The following PHACTR3 variants were observed in gnomAD, a reference collection of about 807,000 sequenced individuals.
PHACTR3 encodes protein phosphatase 1, regulatory subunit 123.
A neutral mutation model predicts 66.8 loss-of-function variants in PHACTR3; 16 were observed. The observed-to-expected ratio is 0.24, with a 90% confidence interval of 0.16 to 0.36. PHACTR3 has a LOEUF of 0.36. PHACTR3 is among the 10% of genes least tolerant of loss of function. PHACTR3 has a pLI of 1.00. For synonymous variants in PHACTR3, 323 were observed against 292.1 expected (o/e 1.11, Z -1.08); for missense variants, 647 against 719.9 (o/e 0.90, Z 1.16).
chr20:59,580,961 A>G (rs938777715), intron 1 of PHACTR3, among the ~76,000 whole-genome samples: 4 of 152,236 alleles, frequency 2.6e-5, no homozygotes, highest in Non-Finnish European at 4.4e-5. Context: ...AGGGTGGGTC[A>G]TATAGCTGGC....
intron 1 of PHACTR3, among the ~76,000 whole-genome samples, chr20:59,626,179 T>C (rs2034439098): frequency 6.6e-6 from 1 of 152,232 alleles, no homozygotes; most frequent in African/African-American, 2.4e-5. Flanking sequence ...TGGACACCTG[T>C]TTTAAGCCTG....
intron 1 of PHACTR3, among the ~76,000 whole-genome samples, chr20:59,728,438 GA>G (rs200160634): frequency 4.2e-4 from 64 of 152,110 alleles, no homozygotes; most frequent in African/African-American, 1.3e-3. Context: ...GTATTAGGGG[GA>G]AAAAAACCTG....
At chr20:59,720,425 G>T (rs575504817) in intron 1 of PHACTR3, among the ~76,000 whole-genome samples, 55 of 152,276 alleles carry the variant, frequency 3.6e-4, no homozygotes, top group South Asian at 3.3e-3. Flanking sequence ...TTGCATACTG[G>T]GGGGGCACTT....
At chr20:59,785,553 C>T (rs1319721468) in intron 7 of PHACTR3, among the ~76,000 whole-genome samples, 5 of 152,148 alleles carry the variant, frequency 3.3e-5, no homozygotes, top group African/African-American at 1.2e-4. Flanking sequence ...CTGTGGGCCC[C>T]TGGCTGCAAG....
chr20:59,821,845 C>G (rs753424059), intron 8 of PHACTR3, among the ~76,000 whole-genome samples: 1 of 147,968 alleles, frequency 6.8e-6, no homozygotes, highest in African/African-American at 2.4e-5. Context: ...CCTGACCCTC[C>G]CACACTGGGC....
intron 1 of PHACTR3, among the ~76,000 whole-genome samples, chr20:59,632,835 C>A (rs1277830190): frequency 1.3e-5 from 2 of 152,214 alleles, no homozygotes; most frequent in African/African-American, 4.8e-5. Context: ...TAAGTGCATG[C>A]CCAGTCCCAG....
intron 1 of PHACTR3, among the ~76,000 whole-genome samples, chr20:59,582,832 A>G (rs546191563): frequency 1.2e-4 from 19 of 152,280 alleles, no homozygotes; most frequent in African/African-American, 3.4e-4. Flanking sequence ...CGCTGGCTGC[A>G]AATATTCGTG....
At chr20:59,843,927 C>T (rs2059108050) in intron 11 of PHACTR3, 1 of 151,740 alleles carries the variant, frequency 6.6e-6, no homozygotes, top group South Asian at 2.1e-4. Context: ...ACTATTCATC[C>T]AAAAAGGGAC....
intron 1 of PHACTR3, among the ~76,000 whole-genome samples, chr20:59,644,990 C>A (rs117230941): frequency 6.6e-6 from 1 of 152,000 alleles, no homozygotes; most frequent in East Asian, 1.9e-4. Flanking sequence ...CCTGACAGCA[C>A]GTTTTTCAGC....
intron 1 of PHACTR3, among the ~76,000 whole-genome samples, chr20:59,636,430 G>A (rs548205242): frequency 6.6e-6 from 1 of 152,318 alleles, no homozygotes; most frequent in East Asian, 1.9e-4. Context: ...ACTCTCTCAA[G>A]TCCTGGTGGA....
intron 1 of PHACTR3, among the ~76,000 whole-genome samples, chr20:59,641,075 T>C (rs1411277965): frequency 2.0e-5 from 3 of 152,136 alleles, no homozygotes; most frequent in Non-Finnish European, 4.4e-5. Flanking sequence ...GTCTGGGTTC[T>C]CCAGAGGAAC....
intron 1 of PHACTR3, among the ~76,000 whole-genome samples, chr20:59,584,004 G>A (rs1214651137): frequency 6.6e-6 from 1 of 152,262 alleles, no homozygotes; most frequent in African/African-American, 2.4e-5. Context: ...GGCCAGACCG[G>A]TGGGCTCGCT....
chr20:59,600,148 G>A (rs991729966), upstream of PHACTR3, among the ~76,000 whole-genome samples: 12 of 152,072 alleles, frequency 7.9e-5, no homozygotes, highest in African/African-American at 2.7e-4. Context: ...CCCTCTGCCC[G>A]GGGCGCCCTT....
intron 1 of PHACTR3, among the ~76,000 whole-genome samples, chr20:59,643,714 G>A (rs2146430771): frequency 6.6e-6 from 1 of 152,302 alleles, no homozygotes; most frequent in Admixed American, 6.5e-5. Flanking sequence ...AAGCTGAGAG[G>A]GAGTGAGGCA....
At chr20:59,727,521 G>A (rs1440645992) in intron 1 of PHACTR3, among the ~76,000 whole-genome samples, 1 of 152,098 alleles carries the variant, frequency 6.6e-6, no homozygotes, top group Non-Finnish European at 1.5e-5. Flanking sequence ...GTCTCCTGGA[G>A]GAGAAGTGGC....
At chr20:59,758,675 G>A (rs78285416) in intron 4 of PHACTR3, among the ~76,000 whole-genome samples, 3,396 of 152,224 alleles carry the variant, frequency 0.022, 59 homozygotes, top group Non-Finnish European at 0.035. Context: ...GAGATCTCAC[G>A]CCCATGATGA....
At chr20:59,627,981 C>T (rs1258257227) in intron 1 of PHACTR3, 1 of 152,132 alleles carries the variant, frequency 6.6e-6, no homozygotes, top group Non-Finnish European at 1.5e-5. Flanking sequence ...TCTGTCCATC[C>T]ATCCATCCAT....
At chr20:59,784,458 C>G (rs2040838135) in intron 7 of PHACTR3, among the ~76,000 whole-genome samples, 1 of 152,108 alleles carries the variant, frequency 6.6e-6, no homozygotes, top group Non-Finnish European at 1.5e-5. Context: ...AGGTGACTCT[C>G]AAGAGCTGCC....
intron 1 of PHACTR3, among the ~76,000 whole-genome samples, chr20:59,730,981 G>A (rs886432238): frequency 6.6e-6 from 1 of 152,092 alleles, no homozygotes; most frequent in African/African-American, 2.4e-5. Flanking sequence ...AAATCTGTTG[G>A]CTTAAAGTCT....
Sources: gnomAD v4.1 joint callset for allele counts (sites outside exome capture counted in the v4.1 genomes callset) on GRCh38, gnomAD v4.1.1 for gene constraint, MANE v1.5 for transcripts, NCBI Gene and HGNC (gene_info 2026-07-23, HGNC 2026-07-21) for gene names.